The following CPNE4 variants were observed in gnomAD, a reference collection of about 807,000 sequenced individuals.
The protein encoded by CPNE4 is copine-4.
Under a neutral mutation model 67.9 loss-of-function variants are expected in CPNE4, and 25 were observed. The ratio of observed to expected loss-of-function variants is 0.37; its 90% CI spans 0.27 to 0.51. The LOEUF (loss-of-function observed/expected upper bound fraction) is 0.51. Ranked by LOEUF, CPNE4 falls within the 20% of genes least tolerant of loss-of-function variation. The probability of loss-of-function intolerance (pLI) is 0.93; values close to 1 mark genes in which losing one functional copy is unlikely to be tolerated. For synonymous variants in CPNE4, 242 were observed against 244.9 expected (o/e 0.99, Z 0.11); for missense variants, 464 against 690.8 (o/e 0.67, Z 3.68).
At chr3:131,799,839 T>C (rs1292248013) in intron 2 of CPNE4, among the ~76,000 whole-genome samples, 1 of 151,980 alleles carries the variant, frequency 6.6e-6, no homozygotes, top group Non-Finnish European at 1.5e-5. Context: ...AAAGAACAAG[T>C]GTAATAGAGC....
At chr3:131,969,286 A>G (rs1233561308) in intron 1 of CPNE4, among the ~76,000 whole-genome samples, 4 of 152,084 alleles carry the variant, frequency 2.6e-5, no homozygotes, top group African/African-American at 9.7e-5. Context: ...TGACGGGTTG[A>G]TGGGTGCAGC....
chr3:131,542,861 C>T, intron 14 of CPNE4, 68 bp from the exon 15 acceptor site: 1 of 1,107,288 alleles, frequency 9.0e-7, no homozygotes, highest in Non-Finnish European at 1.4e-6. Flanking sequence ...CAATACAATA[C>T]CAGTTAGACA....
At chr3:131,646,817 C>A (rs73871335) in intron 7 of CPNE4, among the ~76,000 whole-genome samples, 24,358 of 152,194 alleles carry the variant, frequency 0.16, 3,381 homozygotes, top group African/African-American at 0.38. Flanking sequence ...AGGATGAGGA[C>A]AAGCTCTGAA....
intron 1 of CPNE4, among the ~76,000 whole-genome samples, chr3:131,960,042 AC>A (rs2072118816): frequency 6.6e-6 from 1 of 151,988 alleles, no homozygotes; most frequent in South Asian, 2.1e-4. Context: ...GCCCTACAAT[AC>A]ACTGTATGAG....
chr3:131,942,144 GGGCAA>G (rs1481072184), intron 1 of CPNE4, among the ~76,000 whole-genome samples: 1 of 151,898 alleles, frequency 6.6e-6, no homozygotes. Context: ...TGGTATTCAT[GGGCAA>G]TTAGCAAGGA....
At chr3:131,926,787 T>A (rs2070907291) in intron 1 of CPNE4, among the ~76,000 whole-genome samples, 1 of 152,152 alleles carries the variant, frequency 6.6e-6, no homozygotes, top group South Asian at 2.1e-4. Context: ...TCTCCAAAAT[T>A]CCTTTAATAC....
At chr3:131,909,812 T>C (rs1287576042) in intron 1 of CPNE4, among the ~76,000 whole-genome samples, 4 of 152,126 alleles carry the variant, frequency 2.6e-5, no homozygotes. Context: ...CAAGTGTATG[T>C]AGTTCTTGCT....
chr3:131,871,555 TCAA>T (rs1363722646), intron 2 of CPNE4, among the ~76,000 whole-genome samples: 2 of 152,156 alleles, frequency 1.3e-5, no homozygotes, highest in African/African-American at 4.8e-5. Context: ...ATGAAGTGTA[TCAA>T]CATTTTCTGT....
rs553416585 is a variant in CPNE4 at position 131,698,396 on chromosome 3, G to C, written c.432+1513C>G. ...ATTCATACCTGGATCTACTGGTTTT[G>C]TGGGCTTTGGGAGTGAACCCGTGGG... is the stretch of plus-strand genomic sequence containing the variant. On this transcript the variant is annotated intron_variant, in intron 4 of 15. Transcript: ENST00000429747. 1.4e-4 allele frequency among the ~76,000 whole-genome samples: 21 copies of C among 152,140 alleles called. No individual in the cohort carries two copies. In the East Asian group the frequency reaches 3.9e-3, roughly 28 times the overall value.
chr3:131,885,531 TTTAA>T (rs2087846256), intron 2 of CPNE4, among the ~76,000 whole-genome samples: 1 of 150,936 alleles, frequency 6.6e-6, no homozygotes, highest in African/African-American at 2.4e-5. Flanking sequence ...TTAAATTTTT[TTTAA>T]TTTTTTTATT....
chr3:131,803,798 G>A (rs906679658), intron 2 of CPNE4, among the ~76,000 whole-genome samples: 1 of 152,140 alleles, frequency 6.6e-6, no homozygotes, highest in African/African-American at 2.4e-5. Flanking sequence ...AAATGGTTAA[G>A]TAAATTACGT....
At chr3:131,647,613 A>G (rs2107617934) in intron 7 of CPNE4, among the ~76,000 whole-genome samples, 1 of 152,344 alleles carries the variant, frequency 6.6e-6, no homozygotes, top group South Asian at 2.1e-4. Flanking sequence ...AGCAAAAAGC[A>G]TGGACTTTGG....
At chr3:131,670,042 T>C (rs2080369619) in intron 6 of CPNE4, among the ~76,000 whole-genome samples, 1 of 152,198 alleles carries the variant, frequency 6.6e-6, no homozygotes. Context: ...TGATCCCTTC[T>C]ATATCAAAAG....
At chr3:132,026,126 G>C (rs2074111005) in intron 1 of CPNE4, among the ~76,000 whole-genome samples, 2 of 152,154 alleles carry the variant, frequency 1.3e-5, no homozygotes, top group Non-Finnish European at 2.9e-5. Context: ...TAATAAATGA[G>C]AGCAGGCGTA....
intron 3 of CPNE4, among the ~76,000 whole-genome samples, chr3:131,717,925 T>TC (rs1478878187): frequency 6.7e-6 from 1 of 148,408 alleles, no homozygotes; most frequent in African/African-American, 2.5e-5. Context: ...TTTCTTTCTT[T>TC]CTTTCTTTCT....
At chr3:131,694,269 C>T (rs1321331483) in intron 5 of CPNE4, among the ~76,000 whole-genome samples, 1 of 151,990 alleles carries the variant, frequency 6.6e-6, no homozygotes, top group Non-Finnish European at 1.5e-5. Flanking sequence ...TAAGTTTTAA[C>T]TGCAAACATG....
At chr3:131,663,825 C>A (rs988955878) in intron 7 of CPNE4, among the ~76,000 whole-genome samples, 18 of 152,248 alleles carry the variant, frequency 1.2e-4, no homozygotes, top group African/African-American at 4.1e-4. Context: ...TCCTTTCACC[C>A]CTTAGTGGGT....
At chr3:131,704,386 G>A (rs998494252) in intron 3 of CPNE4, among the ~76,000 whole-genome samples, 2 of 152,108 alleles carry the variant, frequency 1.3e-5, no homozygotes, top group Admixed American at 6.5e-5. Context: ...TAAATATCTC[G>A]GCTCTTTTGT....
rs1582738106 is a variant in CPNE4, at chr3:131,533,693, G to C, written c.*1502C>G. 1 of 152,128 alleles carries C rather than the reference G, an allele frequency of 6.6e-6. No homozygotes were observed. The highest frequency in any genetic ancestry group is 1.5e-5 in the Non-Finnish European group (1 of 68,018). 9.4% of individuals were successfully genotyped at this position (152,128 alleles called of 1,614,324 possible). ...TTGGTGACATGTATTTGCAAGATTA[G>C]GATCTATAATTGTAACTGTGGAAAT... On this transcript the variant is annotated 3_prime_UTR_variant, in exon 16 of 16. Coordinates refer to ENST00000429747, the MANE Select transcript of CPNE4 (RefSeq NM_130808.3).
Sources: allele counts gnomAD v4.1 joint callset (sites outside exome capture counted in the v4.1 genomes callset), GRCh38; gene constraint gnomAD v4.1.1; transcripts MANE v1.5; gene names NCBI Gene and HGNC (gene_info 2026-07-23, HGNC 2026-07-21).